ZNF385D: variants seen among roughly 807,000 people sequenced by gnomAD.
ZNF385D encodes the protein zinc finger protein 659.
In ZNF385D, 15 loss-of-function variants were observed where a neutral mutation model predicts 35.8. That is an observed-to-expected ratio of 0.42 (90% CI 0.28 to 0.64). The LOEUF is 0.64. Ranked by LOEUF, ZNF385D falls within the 30% of genes least tolerant of loss-of-function variation. ZNF385D has a pLI of 0.23. For missense variants in ZNF385D, 474 were observed against 494.6 expected (o/e 0.96, Z 0.39); for synonymous variants, 212 against 186.8 (o/e 1.13, Z -1.10).
intron 3 of ZNF385D, among the ~76,000 whole-genome samples, chr3:22,126,306 AG>A (rs1703424552): frequency 2.3e-5 from 3 of 129,570 alleles, no homozygotes; most frequent in East Asian, 2.4e-4. Context: ...TGTATTTGAA[AG>A]TTGTTTTTTT....
intron 3 of ZNF385D, among the ~76,000 whole-genome samples, chr3:21,544,474 A>G (rs1475809755): frequency 6.6e-6 from 1 of 152,188 alleles, no homozygotes; most frequent in South Asian, 2.1e-4. Flanking sequence ...AAGGTGTGGA[A>G]ATGTAAACTT....
intron 2 of ZNF385D, among the ~76,000 whole-genome samples, chr3:22,316,132 G>A (rs1440949657): frequency 1.3e-5 from 2 of 152,090 alleles, no homozygotes; most frequent in African/African-American, 2.4e-5. Context: ...CCCCTCACCC[G>A]GAAGTGGACT....
chr3:22,058,482 A>T (rs1181892132), intron 3 of ZNF385D, among the ~76,000 whole-genome samples: 1 of 152,182 alleles, frequency 6.6e-6, no homozygotes, highest in Admixed American at 6.5e-5. Flanking sequence ...GAACTGGATA[A>T]TGGCTATCAC....
intron 2 of ZNF385D, among the ~76,000 whole-genome samples, chr3:22,295,957 T>C (rs533996850): frequency 7.2e-5 from 11 of 152,224 alleles, no homozygotes; most frequent in African/African-American, 2.2e-4. Context: ...GAATAGTTTA[T>C]GGCAAAGGAG....
rs1707485731 is a variant in ZNF385D at position 21,515,265 on chromosome 3, T to C, written c.277-4242A>G. 2.0e-5 allele frequency among the ~76,000 whole-genome samples: 3 copies of C among 152,190 alleles called. No individual in the cohort carries two copies. In the South Asian group the frequency reaches 6.2e-4, roughly 31 times the overall value. On this transcript the variant is annotated intron_variant, in intron 3 of 7. Coordinates refer to ENST00000281523, the MANE Select transcript of ZNF385D (RefSeq NM_024697.3). The stretch of plus-strand genomic sequence containing the variant: ...TTGCCCTATAAAATTCACTGAGAAG[T>C]TACTTTTTAGTATTTCTTTTATTCC...
At chr3:21,875,282 G>T (rs1271785323) in intron 3 of ZNF385D, among the ~76,000 whole-genome samples, 1 of 151,696 alleles carries the variant, frequency 6.6e-6, no homozygotes, top group Non-Finnish European at 1.5e-5. Flanking sequence ...AGAACTTCCA[G>T]TGTTTATTTT....
intron 2 of ZNF385D, among the ~76,000 whole-genome samples, chr3:22,245,415 T>G (rs1699720843): frequency 6.6e-6 from 1 of 150,438 alleles, no homozygotes; most frequent in Non-Finnish European, 1.5e-5. Flanking sequence ...CCAGTGTATT[T>G]CAAAATATTT....
At chr3:21,955,085 A>G (rs947038030) in intron 3 of ZNF385D, among the ~76,000 whole-genome samples, 4 of 152,190 alleles carry the variant, frequency 2.6e-5, no homozygotes, top group African/African-American at 4.8e-5. Context: ...TGTGTTTACT[A>G]CAAATGGAGC....
intron 4 of ZNF385D, among the ~76,000 whole-genome samples, chr3:21,447,063 T>C (rs1702194090): frequency 6.6e-6 from 1 of 152,186 alleles, no homozygotes; most frequent in African/African-American, 2.4e-5. Flanking sequence ...TAAGCCAAAA[T>C]AAATTAATCC....
intron 4 of ZNF385D, among the ~76,000 whole-genome samples, chr3:21,475,320 G>A (rs1482799303): frequency 6.6e-6 from 1 of 151,950 alleles, no homozygotes; most frequent in Non-Finnish European, 1.5e-5. Context: ...TTGTCTGAAG[G>A]TATCTGTTTC....
At chr3:21,575,278 G>C (rs962711220) in intron 2 of ZNF385D, among the ~76,000 whole-genome samples, 1 of 152,140 alleles carries the variant, frequency 6.6e-6, no homozygotes, top group African/African-American at 2.4e-5. Context: ...GCAGGGTGGA[G>C]GTGGGAGGGT....
At chr3:21,931,364 T>A (rs1700998940) in intron 3 of ZNF385D, among the ~76,000 whole-genome samples, 1 of 152,188 alleles carries the variant, frequency 6.6e-6, no homozygotes, top group African/African-American at 2.4e-5. Flanking sequence ...AATGGTATGA[T>A]CACCTCAGAA....
chr3:21,602,594 G>GCA (rs1949520955), intron 2 of ZNF385D, among the ~76,000 whole-genome samples: 1 of 134,020 alleles, frequency 7.5e-6, no homozygotes, highest in South Asian at 2.4e-4. Flanking sequence ...CTGCAGTGGC[G>GCA]CAATCTCGGC....
intron 3 of ZNF385D, among the ~76,000 whole-genome samples, chr3:21,540,212 GAAT>G (rs2062139040): frequency 6.6e-6 from 1 of 152,110 alleles, no homozygotes; most frequent in Non-Finnish European, 1.5e-5. Flanking sequence ...GGCAAAAGCA[GAAT>G]AATAACAATA....
intron 3 of ZNF385D, among the ~76,000 whole-genome samples, chr3:21,548,301 G>GT (rs1053845338): frequency 3.9e-5 from 6 of 152,130 alleles, no homozygotes; most frequent in African/African-American, 7.2e-5. Flanking sequence ...CAGCAATGAG[G>GT]AAAAATGTTT....
In ZNF385D at chr3:21,686,105, T is replaced by C. The variant is rs145454448; in HGVS notation, c.23-21077A>G. Among the ~76,000 whole-genome samples the C allele has an allele frequency of 1.6e-3, 238 of 152,194 alleles. 1 individual carries two copies. The highest frequency in any genetic ancestry group is 5.4e-3 in the African/African-American group (226 of 41,536). On this transcript the variant is annotated intron_variant, in intron 1 of 7. Coordinates refer to ENST00000281523, the MANE Select transcript of ZNF385D (RefSeq NM_024697.3). Reference sequence around the variant, plus strand: ...TATAAGAATGATTAAAGATTAATAATAGAGAAAAAAGAAATAGCACAGTGG... The same window carrying C: ...TATAAGAATGATTAAAGATTAATAACAGAGAAAAAAGAAATAGCACAGTGG...
At position 21,750,884 on chromosome 3, in the gene ZNF385D, T is replaced by G; in HGVS notation, c.22+11A>C. ...CACCCCCAGAATTACATCATCAGAG[T>G]GAACACTCACCAAAATACATTATGT... On this transcript the variant is annotated intron_variant, in intron 1 of 7. Coordinates refer to ENST00000281523, the MANE Select transcript of ZNF385D (RefSeq NM_024697.3). The G allele has an allele frequency of 6.2e-7, 1 of 1,614,028 alleles. No individual in the cohort carries two copies. The highest frequency in any genetic ancestry group is 8.5e-7 in the Non-Finnish European group (1 of 1,179,990).
chr3:22,210,623 A>T (rs1164629187), intron 2 of ZNF385D, among the ~76,000 whole-genome samples: 1 of 151,952 alleles, frequency 6.6e-6, no homozygotes, highest in Non-Finnish European at 1.5e-5. Context: ...AATCAATACA[A>T]ACAGGATGTT....
intron 3 of ZNF385D, among the ~76,000 whole-genome samples, chr3:21,512,844 AC>A (rs1236212602): frequency 6.6e-6 from 1 of 152,154 alleles, no homozygotes; most frequent in African/African-American, 2.4e-5. Flanking sequence ...ACATTTGAGA[AC>A]GATATGCTAT....
Sources: gnomAD v4.1 joint callset for allele counts (sites outside exome capture counted in the v4.1 genomes callset) on GRCh38, gnomAD v4.1.1 for gene constraint, MANE v1.5 for transcripts, NCBI Gene and HGNC (gene_info 2026-07-23, HGNC 2026-07-21) for gene names.